SRRM4: variants seen among roughly 807,000 people sequenced by gnomAD.
SRRM4 encodes serine/arginine repetitive matrix 4, also known as serine/arginine repetitive matrix protein 4.
In SRRM4, 33 loss-of-function variants were observed where a neutral mutation model predicts 68.9. The ratio of observed to expected loss-of-function variants is 0.48; its 90% CI spans 0.36 to 0.64. The LOEUF is 0.64. Ranked by LOEUF, SRRM4 falls within the 30% of genes least tolerant of loss-of-function variation. SRRM4 has a pLI of 0.00. For synonymous variants in SRRM4, 318 were observed against 318.8 expected (o/e 1.00, Z 0.03); for missense variants, 817 against 827.1 (o/e 0.99, Z 0.15).
At chr12:119,086,830 C>T (rs1436459124) in intron 1 of SRRM4, among the ~76,000 whole-genome samples, 3 of 152,152 alleles carry the variant, frequency 2.0e-5, no homozygotes, top group South Asian at 2.1e-4. Context: ...TCCTTGCCAC[C>T]GATTTCTTTT....
chr12:119,001,284 G>T (rs931330528), intron 1 of SRRM4: 7 of 152,222 alleles, frequency 4.6e-5, no homozygotes, highest in African/African-American at 1.7e-4. Context: ...GACTGTCTCT[G>T]CTGGAAGTGA....
rs2136073530 is a variant in SRRM4 at position 119,160,971 on chromosome 12, G to A, written c.*4173G>A. 6.6e-6 allele frequency: 1 copy of A among 152,298 alleles called. No homozygotes were observed. The highest frequency in any genetic ancestry group is 1.9e-4 in the East Asian group (1 of 5,186). The allele number at this position is 152,298 out of a possible 1,614,324, so 9.4% of individuals were successfully genotyped here. A position where few individuals can be genotyped will look rare whatever the true frequency, so the allele number is the denominator to read the frequency against. On this transcript the variant is annotated 3_prime_UTR_variant, in exon 13 of 13. Transcript: ENST00000267260. ...TCTTTGAAGGACAGCTGATCTTTCAGAAGCAGAATAAAATTAAGATGTTAG... is the reference window on the plus strand; with the variant it reads ...TCTTTGAAGGACAGCTGATCTTTCAAAAGCAGAATAAAATTAAGATGTTAG...
At chr12:119,031,140 C>CA in intron 1 of SRRM4, 1 of 152,288 alleles carries the variant, frequency 6.6e-6, no homozygotes, top group East Asian at 1.9e-4. Context: ...AACCTAGGTG[C>CA]AGGTGAGCAC....
intron 1 of SRRM4, among the ~76,000 whole-genome samples, chr12:119,074,692 G>A (rs915299838): frequency 1.1e-4 from 17 of 152,198 alleles, no homozygotes; most frequent in African/African-American, 3.6e-4. Context: ...AGATGACATC[G>A]ATCAAAGACA....
At chr12:119,016,462 AAAAAAAG>A (rs1344060232) in intron 1 of SRRM4, among the ~76,000 whole-genome samples, 13 of 151,124 alleles carry the variant, frequency 8.6e-5, no homozygotes, top group South Asian at 2.1e-4. Context: ...ATTAAAAAAA[AAAAAAAG>A]AAAAAGAAAA....
At chr12:119,078,439 C>G (rs935118138) in intron 1 of SRRM4, among the ~76,000 whole-genome samples, 6 of 152,132 alleles carry the variant, frequency 3.9e-5, no homozygotes, top group Non-Finnish European at 5.9e-5. Flanking sequence ...TTCTAAGAGC[C>G]CTAGTCACTG....
intron 1 of SRRM4, among the ~76,000 whole-genome samples, chr12:119,063,851 T>C (rs1050688613): frequency 6.6e-6 from 1 of 152,140 alleles, no homozygotes; most frequent in Non-Finnish European, 1.5e-5. Context: ...TGAATGAAGA[T>C]GGGAGAGACA....
intron 1 of SRRM4, among the ~76,000 whole-genome samples, chr12:119,002,267 G>A (rs1334260569): frequency 2.6e-5 from 4 of 152,108 alleles, no homozygotes; most frequent in Non-Finnish European, 5.9e-5. Flanking sequence ...TGATCTTTGA[G>A]GAGTTACCTG....
At chr12:119,032,778 A>G (rs1953599999) in intron 1 of SRRM4, among the ~76,000 whole-genome samples, 1 of 152,182 alleles carries the variant, frequency 6.6e-6, no homozygotes. Context: ...AAGACTTTTA[A>G]CAGAGTTAAC....
At chr12:119,023,742 C>T (rs553244300) in intron 1 of SRRM4, among the ~76,000 whole-genome samples, 1 of 152,222 alleles carries the variant, frequency 6.6e-6, no homozygotes, top group African/African-American at 2.4e-5. Flanking sequence ...CCACCTTCTA[C>T]ATAAACTCAT....
At chr12:119,064,515 C>T (rs146252713) in intron 1 of SRRM4, among the ~76,000 whole-genome samples, 1 of 152,198 alleles carries the variant, frequency 6.6e-6, no homozygotes, top group African/African-American at 2.4e-5. Flanking sequence ...AAACCAAAAA[C>T]TTGAACTTAG....
chr12:119,127,279 GA>G (rs1445898024), intron 7 of SRRM4, among the ~76,000 whole-genome samples: 1 of 152,118 alleles, frequency 6.6e-6, no homozygotes, highest in Admixed American at 6.5e-5. Flanking sequence ...GTTCAATGGG[GA>G]CACTGAGACC....
intron 7 of SRRM4, among the ~76,000 whole-genome samples, chr12:119,129,328 C>G (rs1192521989): frequency 6.6e-6 from 1 of 152,156 alleles, no homozygotes; most frequent in Non-Finnish European, 1.5e-5. Context: ...CTAAGCATGC[C>G]CTTTCTAAGA....
intron 8 of SRRM4, among the ~76,000 whole-genome samples, chr12:119,142,864 T>C (rs774583370): frequency 8.5e-5 from 13 of 152,158 alleles, no homozygotes; most frequent in African/African-American, 1.4e-4. Context: ...TGTGTTACCA[T>C]TGAACTCCAG....
intron 2 of SRRM4, among the ~76,000 whole-genome samples, chr12:119,103,510 C>T (rs1424232477): frequency 1.3e-5 from 2 of 152,132 alleles, no homozygotes; most frequent in African/African-American, 4.8e-5. Context: ...ACCCCACCAC[C>T]TAGGCTGCCC....
chr12:119,071,557 T>C (rs146169492), intron 1 of SRRM4, among the ~76,000 whole-genome samples: 195 of 152,312 alleles, frequency 1.3e-3, no homozygotes, highest in Non-Finnish European at 2.3e-3. Context: ...ACAATACCAA[T>C]ACCATGAGTT....
At position 119,160,027 on chromosome 12, in the gene SRRM4, G is replaced by C. The variant is rs936551218; in HGVS notation, c.*3229G>C. ...GACCAACTGGCAGTGTCTTCTGGCT[G>C]CTGGCCGGAGACAGCTCTTGCCCTT... On this transcript the variant is annotated 3_prime_UTR_variant, in exon 13 of 13. Coordinates refer to ENST00000267260, the MANE Select transcript of SRRM4 (RefSeq NM_194286.4). 9 of 152,190 alleles carry C rather than the reference G, an allele frequency of 5.9e-5. No homozygotes were observed. The highest frequency in any genetic ancestry group is 1.0e-4 in the Non-Finnish European group (7 of 68,082). The allele number at this position is 152,190 out of a possible 1,614,324, so 9.4% of individuals were successfully genotyped here.
chr12:119,131,936 A>C (rs1209858326), intron 8 of SRRM4, among the ~76,000 whole-genome samples: 1 of 152,178 alleles, frequency 6.6e-6, no homozygotes, highest in East Asian at 1.9e-4. Context: ...GGAAAAGTTC[A>C]GGGGTGCTTG....
chr12:118,994,591 T>C (rs1462754308), intron 1 of SRRM4, among the ~76,000 whole-genome samples: 1 of 152,226 alleles, frequency 6.6e-6, no homozygotes, highest in Non-Finnish European at 1.5e-5. Flanking sequence ...ATGTCAGTTC[T>C]GACGCATGCC....
Sources: gnomAD v4.1 joint callset for allele counts (sites outside exome capture counted in the v4.1 genomes callset) on GRCh38, gnomAD v4.1.1 for gene constraint, MANE v1.5 for transcripts, NCBI Gene and HGNC (gene_info 2026-07-23, HGNC 2026-07-21) for gene names.